The following ARK2C variants were observed in gnomAD, a reference collection of about 807,000 sequenced individuals.
ARK2C encodes E3 ubiquitin-protein ligase ARK2C.
At chr18:46,339,904 A>T in the ARK2C span, among the ~76,000 whole-genome samples, 3 of 152,206 alleles carry the variant, frequency 2.0e-5, no homozygotes, top group African/African-American at 7.2e-5. Context: ...TCCCATCTTT[A>T]AATAAGTATC....
At chr18:46,457,748 A>G in the ARK2C span, 2 of 152,736 alleles carry the variant, frequency 1.3e-5, no homozygotes, top group African/African-American at 2.4e-5. Context: ...GATGATGCAG[A>G]TAAGACAGCA....
chr18:46,357,014 C>T, the ARK2C span, among the ~76,000 whole-genome samples: 1 of 152,308 alleles, frequency 6.6e-6, no homozygotes, highest in East Asian at 1.9e-4. Context: ...TTTGGGCTAC[C>T]TGAGGAGCTT....
chr18:46,379,304 A>T, the ARK2C span, among the ~76,000 whole-genome samples: 1,148 of 152,336 alleles, frequency 7.5e-3, 19 homozygotes, highest in African/African-American at 0.026. Flanking sequence ...TTTGACAAAC[A>T]CAAAACCCTC....
At chr18:46,396,124 G>A in the ARK2C span, among the ~76,000 whole-genome samples, 1 of 152,198 alleles carries the variant, frequency 6.6e-6, no homozygotes, top group Non-Finnish European at 1.5e-5. Context: ...ACCCTTTGGG[G>A]CTTAGGCTTG....
the ARK2C span, among the ~76,000 whole-genome samples, chr18:46,385,087 G>C: frequency 6.6e-6 from 1 of 152,152 alleles, no homozygotes; most frequent in Admixed American, 6.5e-5. Context: ...ATCTCCATGG[G>C]AGATGGTCCA....
chr18:46,402,272 A>G, the ARK2C span, among the ~76,000 whole-genome samples: 2 of 152,232 alleles, frequency 1.3e-5, no homozygotes, highest in East Asian at 3.8e-4. Context: ...ATTATATACT[A>G]TGTGCTAGAA....
chr18:46,342,965 T>G, the ARK2C span, among the ~76,000 whole-genome samples: 1 of 152,262 alleles, frequency 6.6e-6, no homozygotes, highest in Non-Finnish European at 1.5e-5. Flanking sequence ...CTATTTTACA[T>G]TAATGTCACA....
chr18:46,355,244 G>A, the ARK2C span, among the ~76,000 whole-genome samples: 455 of 152,110 alleles, frequency 3.0e-3, 1 homozygote, highest in Non-Finnish European at 4.6e-3. Context: ...TGAGCCACCG[G>A]GCCCGGCCTG....
At chr18:46,448,153 T>C in the ARK2C span, among the ~76,000 whole-genome samples, 1 of 148,414 alleles carries the variant, frequency 6.7e-6, no homozygotes, top group Non-Finnish European at 1.5e-5. Flanking sequence ...TCAACCCCCA[T>C]GCCCTGACTC....
chr18:46,335,041 G>A, the ARK2C span: 3 of 118,350 alleles, frequency 2.5e-5, no homozygotes, highest in Admixed American at 1.8e-4. Context: ...AAGATGCTTG[G>A]GCGCGTGTGT....
the ARK2C span, among the ~76,000 whole-genome samples, chr18:46,387,250 C>G: frequency 6.6e-6 from 1 of 152,324 alleles, no homozygotes; most frequent in African/African-American, 2.4e-5. Context: ...GGCAGATAAC[C>G]AGGCCCCACC....
chr18:46,378,235 C>A, the ARK2C span, among the ~76,000 whole-genome samples: 1 of 152,200 alleles, frequency 6.6e-6, no homozygotes, highest in Non-Finnish European at 1.5e-5. Context: ...AAGACAAGGA[C>A]CCTGCACATG....
chr18:46,438,062 C>A, the ARK2C span, among the ~76,000 whole-genome samples: 61 of 152,338 alleles, frequency 4.0e-4, no homozygotes, highest in African/African-American at 1.3e-3. Flanking sequence ...CAGACCACAC[C>A]ATGTTCAAGA....
chr18:46,354,277 A>T, the ARK2C span, among the ~76,000 whole-genome samples: 1 of 152,150 alleles, frequency 6.6e-6, no homozygotes, highest in African/African-American at 2.4e-5. Flanking sequence ...TAGGCCAGGG[A>T]TTGGGGGTCT....
the ARK2C span, among the ~76,000 whole-genome samples, chr18:46,417,594 C>A: frequency 6.6e-6 from 1 of 152,156 alleles, no homozygotes; most frequent in Non-Finnish European, 1.5e-5. Flanking sequence ...TAAAATGGAA[C>A]CCCCCCAACC....
the ARK2C span, among the ~76,000 whole-genome samples, chr18:46,449,355 A>C: frequency 6.6e-6 from 1 of 152,038 alleles, no homozygotes; most frequent in Non-Finnish European, 1.5e-5. Flanking sequence ...TTTTGCATTT[A>C]TTTGACTTTA....
At chr18:46,450,991 G>A in the ARK2C span, among the ~76,000 whole-genome samples, 1 of 152,026 alleles carries the variant, frequency 6.6e-6, no homozygotes, top group South Asian at 2.1e-4. Context: ...GGCCAGGAGG[G>A]AAGATGGAAG....
chr18:46,397,478 TGAG>T, the ARK2C span, among the ~76,000 whole-genome samples: 1 of 102,052 alleles, frequency 9.8e-6, no homozygotes, highest in African/African-American at 4.4e-5. Flanking sequence ...GTGGTCATGC[TGAG>T]GTGTGAGGGT....
chr18:46,345,343 A>G, the ARK2C span, among the ~76,000 whole-genome samples: 1 of 152,124 alleles, frequency 6.6e-6, no homozygotes, highest in Non-Finnish European at 1.5e-5. Context: ...GGGAGTGTTG[A>G]TTGAGGTGGG....
Sources: gnomAD v4.1 joint callset for allele counts (sites outside exome capture counted in the v4.1 genomes callset) on GRCh38, gnomAD v4.1.1 for gene constraint, MANE v1.5 for transcripts, NCBI Gene and HGNC (gene_info 2026-07-23, HGNC 2026-07-21) for gene names.